The following PRKAR2B variants were observed in gnomAD, a reference collection of about 807,000 sequenced individuals.
The protein encoded by PRKAR2B is cAMP-dependent protein kinase type II-beta regulatory subunit.
Under a neutral mutation model 49.9 loss-of-function variants are expected in PRKAR2B, and 14 were observed. The ratio of observed to expected loss-of-function variants is 0.28; its 90% CI spans 0.19 to 0.44. PRKAR2B has a LOEUF of 0.44. Among genes scored for constraint, PRKAR2B ranks in the 20% least tolerant of loss-of-function variants. PRKAR2B has a pLI of 1.00. For synonymous variants in PRKAR2B, 196 were observed against 197.7 expected (o/e 0.99, Z 0.07); for missense variants, 393 against 537.9 (o/e 0.73, Z 2.67).
chr7:107,154,945 G>A (rs889347260), intron 8 of PRKAR2B, among the ~76,000 whole-genome samples: 12 of 152,324 alleles, frequency 7.9e-5, no homozygotes, highest in Admixed American at 7.8e-4. Flanking sequence ...TAGTGAAAAT[G>A]TCAAGGCCCA....
At chr7:107,052,768 TTC>T (rs577456401) in intron 1 of PRKAR2B, among the ~76,000 whole-genome samples, 14 of 152,354 alleles carry the variant, frequency 9.2e-5, no homozygotes, top group African/African-American at 3.1e-4. Context: ...ACAATTTGCA[TTC>T]TCTGTCTATT....
chr7:107,070,164 A>G, intron 1 of PRKAR2B, 117 bp from the exon 2 acceptor site: 2 of 615,878 alleles, frequency 3.2e-6, no homozygotes, highest in Non-Finnish European at 5.5e-6. Flanking sequence ...ATTTCCTCTT[A>G]TTTATTCATC....
chr7:107,156,821 C>T (rs1386223014), intron 8 of PRKAR2B, among the ~76,000 whole-genome samples, 163 bp from the exon 9 acceptor site: 1 of 151,826 alleles, frequency 6.6e-6, no homozygotes, highest in Non-Finnish European at 1.5e-5. Context: ...AAAAAAAAAC[C>T]TCTTGATTTA....
chr7:107,139,165 A>T (rs1452164321), intron 4 of PRKAR2B, among the ~76,000 whole-genome samples: 3 of 151,756 alleles, frequency 2.0e-5, no homozygotes, highest in Non-Finnish European at 4.4e-5. Flanking sequence ...ATGTGTTGTC[A>T]TTTTGCTGTT....
chr7:107,125,165 A>G (rs1795461855), intron 3 of PRKAR2B, among the ~76,000 whole-genome samples: 1 of 152,140 alleles, frequency 6.6e-6, no homozygotes, highest in Non-Finnish European at 1.5e-5. Context: ...CTGCAGGTGT[A>G]GTTTGCTGAT....
chr7:107,055,201 C>G (rs1030441940), intron 1 of PRKAR2B, among the ~76,000 whole-genome samples: 3 of 152,298 alleles, frequency 2.0e-5, no homozygotes, highest in African/African-American at 7.2e-5. Flanking sequence ...TTTTCTTAAT[C>G]CAGTCTATCA....
chr7:107,159,585 CA>C lies in PRKAR2B; in HGVS notation c.*7del. On this transcript the variant is annotated 3_prime_UTR_variant, in exon 11 of 11. Coordinates refer to ENST00000265717, the MANE Select transcript of PRKAR2B (RefSeq NM_002736.3). ...ATATTGTTGAACCCACTGCATGAAG[CA>C]AAAGTATGGAGCAAGACCTGTAGTG... 1 of 1,613,850 alleles carries C rather than the reference CA, an allele frequency of 6.2e-7. No homozygotes were observed. The highest frequency in any genetic ancestry group is 2.2e-5 in the East Asian group (1 of 44,858).
intron 1 of PRKAR2B, among the ~76,000 whole-genome samples, chr7:107,050,901 G>T (rs1451723883): frequency 6.6e-6 from 1 of 151,940 alleles, no homozygotes; most frequent in African/African-American, 2.4e-5. Flanking sequence ...TTCCTTTCTT[G>T]CCCAGGCTGG....
intron 2 of PRKAR2B, among the ~76,000 whole-genome samples, chr7:107,110,572 T>C (rs1795151925): frequency 6.6e-6 from 1 of 151,738 alleles, no homozygotes; most frequent in Admixed American, 6.6e-5. Flanking sequence ...TGATGCCAGC[T>C]CAGCCACAGT....
chr7:107,069,914 T>C (rs1200370317), intron 1 of PRKAR2B: 1 of 158,648 alleles, frequency 6.3e-6, no homozygotes. Context: ...GTTAAATCTC[T>C]AGTAGATTTA....
At chr7:107,084,910 C>T (rs929790451) in intron 2 of PRKAR2B, among the ~76,000 whole-genome samples, 1 of 151,986 alleles carries the variant, frequency 6.6e-6, no homozygotes, top group African/African-American at 2.4e-5. Context: ...CAGGTGTGAG[C>T]CACCACGCCC....
At chr7:107,056,128 A>C (rs922525667) in intron 1 of PRKAR2B, among the ~76,000 whole-genome samples, 3 of 152,040 alleles carry the variant, frequency 2.0e-5, no homozygotes, top group East Asian at 3.9e-4. Context: ...ATAGTTGTAG[A>C]TATGCGGCAT....
intron 2 of PRKAR2B, among the ~76,000 whole-genome samples, chr7:107,103,691 C>T (rs574672559): frequency 6.6e-6 from 1 of 152,220 alleles, no homozygotes; most frequent in Non-Finnish European, 1.5e-5. Context: ...GGTAGACTTA[C>T]TGGCTTTTTC....
chr7:107,083,840 T>C (rs1394979046), intron 2 of PRKAR2B, among the ~76,000 whole-genome samples: 1 of 152,108 alleles, frequency 6.6e-6, no homozygotes, highest in African/African-American at 2.4e-5. Context: ...CTCAAACTCC[T>C]GACGTTGTGA....
chr7:107,071,603 G>T (rs1391025067), intron 2 of PRKAR2B, among the ~76,000 whole-genome samples: 1 of 152,184 alleles, frequency 6.6e-6, no homozygotes, highest in Non-Finnish European at 1.5e-5. Flanking sequence ...GGGAATAGGG[G>T]AGGAAGAAGA....
intron 1 of PRKAR2B, among the ~76,000 whole-genome samples, chr7:107,047,381 G>A (rs980921566): frequency 6.6e-6 from 1 of 151,882 alleles, no homozygotes; most frequent in South Asian, 2.1e-4. Flanking sequence ...CTTGTAAAGG[G>A]CCGGTTAGTA....
chr7:107,109,426 A>AT (rs35160187), intron 2 of PRKAR2B, among the ~76,000 whole-genome samples: 55 of 139,894 alleles, frequency 3.9e-4, no homozygotes, highest in East Asian at 2.9e-3. Context: ...CACTCAGCTA[A>AT]TTTTTTTTTT....
At chr7:107,101,598 C>A (rs1794966645) in intron 2 of PRKAR2B, among the ~76,000 whole-genome samples, 1 of 152,210 alleles carries the variant, frequency 6.6e-6, no homozygotes, top group South Asian at 2.1e-4. Context: ...GCATCCAGGA[C>A]CAAGCGTCAG....
intron 2 of PRKAR2B, among the ~76,000 whole-genome samples, chr7:107,116,907 G>A (rs945306288): frequency 6.7e-6 from 1 of 148,454 alleles, no homozygotes; most frequent in African/African-American, 2.5e-5. Context: ...GTGTGTGTGT[G>A]TATATATATG....
Sources: allele counts gnomAD v4.1 joint callset (sites outside exome capture counted in the v4.1 genomes callset), GRCh38; gene constraint gnomAD v4.1.1; transcripts MANE v1.5; gene names NCBI Gene and HGNC (gene_info 2026-07-23, HGNC 2026-07-21).